The following KMT2B variants were observed in gnomAD, a reference collection of about 807,000 sequenced individuals.
KMT2B encodes histone-lysine N-methyltransferase 2B.
Under a neutral mutation model 255.3 loss-of-function variants are expected in KMT2B, and 22 were observed. That is an observed-to-expected ratio of 0.09 (90% CI 0.06 to 0.12). The LOEUF is 0.12. KMT2B is among the 10% of genes least tolerant of loss of function. The pLI is 1.00. For missense variants in KMT2B, 3,149 were observed against 3,737.0 expected (o/e 0.84, Z 4.10); for synonymous variants, 1,730 against 1,498.1 (o/e 1.15, Z -3.57).
At position 35,721,210 on chromosome 19, in the gene KMT2B, TC is replaced by T; in HGVS notation, c.1868del (p.Pro623GlnfsTer37). On this transcript the variant is annotated frameshift_variant, in exon 3 of 37. Coordinates refer to ENST00000420124, the MANE Select transcript of KMT2B (RefSeq NM_014727.3). LOFTEE classifies it high-confidence loss of function. ...CACTGACCCGGGAGCTGCCCCCTCC[TC>T]CCCCAGCCCCTCCACCTCCCCCGGC... Reference protein sequence around the residue: ...TSLTRELPPPPPAPPPPPAPS... With the variant: ...TSLTRELPPPXPAPPPPPAPS... The T allele has an allele frequency of 1.2e-6, 1 of 810,688 alleles. No individual in the cohort carries two copies. The allele number at this position is 810,688 out of a possible 1,614,324, so 50.2% of individuals were successfully genotyped here.
rs148973105 is a variant in KMT2B, at chr19:35,727,065, G to A, written c.4004-91G>A. On this transcript the variant is annotated intron_variant, in intron 14 of 36. Coordinates refer to ENST00000420124, the MANE Select transcript of KMT2B (RefSeq NM_014727.3). This position sits in a 1 kb window ranked among gnomAD's most constrained non-coding sequence, Gnocchi z 4.2. ...GGCCCAAAACAGGGGCATAGTGGAG[G>A]CAGCTAAGGTACTGCTAATCCTTGA... is the stretch of plus-strand genomic sequence containing the variant. The A allele has an allele frequency of 3.7e-6, 3 of 812,468 alleles. No homozygotes were observed. The highest frequency in any genetic ancestry group is 3.4e-5 in the African/African-American group (2 of 58,146). 50.3% of individuals were successfully genotyped at this position (812,468 alleles called of 1,614,324 possible).
rs373463200 is a variant in KMT2B at position 35,725,360 on chromosome 19, C to T, written c.3642+27C>T. 142 of 1,557,142 alleles carry T rather than the reference C, an allele frequency of 9.1e-5. No individual in the cohort carries two copies. The highest frequency in any genetic ancestry group is 3.4e-4 in the Middle Eastern group (2 of 5,818). On this transcript the variant is annotated intron_variant, in intron 11 of 36. Transcript: ENST00000420124. This position sits in a 1 kb window ranked among gnomAD's most constrained non-coding sequence, Gnocchi z 4.1. ...TTAGATCTCTGCCTTTCTTCACAGA[C>T]CCCCAGCTCTCTGTCGGTCCTCACG...
At chr19:35,728,676 G>A in intron 19 of KMT2B, 98 bp from the exon 20 acceptor site, 3 of 814,814 alleles carry the variant, frequency 3.7e-6, no homozygotes, top group South Asian at 3.0e-5. Flanking sequence ...TAGAGAGGGA[G>A]TAGCGGGTGT....
intron 30 of KMT2B, among the ~76,000 whole-genome samples, chr19:35,735,024 C>G (rs1224351955): frequency 1.3e-5 from 2 of 152,140 alleles, no homozygotes; most frequent in Non-Finnish European, 2.9e-5. Context: ...TTAGCAAGGG[C>G]AGGTTAGAGT....
Position 35,720,247 on chromosome 19 carries a change from G to T in KMT2B, c.900G>T (p.Gly300=). ...GCAGGGGCCGCGGCCGAGGTGGTGG[G>T]CTCCCCTTTGTGATCAAGTTTGTTT... ...RGGRGRGRGG[G]LPFVIKFVSR... The change falls in exon 3 of 37, where the codon GGG becomes GGT. Residue 300 remains glycine, a synonymous_variant. Coordinates refer to ENST00000420124, the MANE Select transcript of KMT2B (RefSeq NM_014727.3). 1.9e-6 allele frequency: 3 copies of T among 1,612,578 alleles called. No individual in the cohort carries two copies. The highest frequency in any genetic ancestry group is 2.7e-5 in the African/African-American group (2 of 75,032).
chr19:35,730,204 C>A, intron 23 of KMT2B, 79 bp downstream of exon 23: 1 of 1,601,814 alleles, frequency 6.2e-7, no homozygotes, highest in Non-Finnish European at 8.5e-7. Flanking sequence ...GGCCCCCAGG[C>A]CTGGCCCTAC....
chr19:35,732,841 G>A lies in KMT2B; in HGVS notation c.6292G>A (p.Ala2098Thr), dbSNP rs751646243. ...PGVVRAGVLG[A>T]AGDRARPPED... The stretch of plus-strand genomic sequence containing the variant: ...AGTAGTCCGGGCAGGGGTCCTTGGG[G>A]CTGCAGGGGACAGGGCCCGGCCTCC... Residue 2098 changes from alanine (A) to threonine (T), a missense_variant, in exon 28 of 37, where the codon GCT becomes ACT. Transcript: ENST00000420124. 3.3e-5 allele frequency: 53 copies of A among 1,608,518 alleles called. No individual in the cohort carries two copies. In the Admixed American group the frequency reaches 8.9e-4, roughly 27 times the overall value.
At position 35,722,545 on chromosome 19, in the gene KMT2B, A is replaced by G. The variant is rs776423759; in HGVS notation, c.2572-23A>G. 7 of 1,596,416 alleles carry G rather than the reference A, an allele frequency of 4.4e-6. No individual in the cohort carries two copies. In the African/African-American group the frequency reaches 8.0e-5, roughly 18 times the overall value. On this transcript the variant is annotated intron_variant, in intron 4 of 36. Transcript: ENST00000420124. ...GGCTGCGGGAGCGCAAGCTGCCCAC[A>G]CACACTCCGATTTCTCCCCCAGGGT...
In KMT2B at chr19:35,725,128, G is replaced by A. The variant is rs368445998; in HGVS notation, c.3528+41G>A. 2 of 1,584,924 alleles carry A rather than the reference G, an allele frequency of 1.3e-6. No homozygotes were observed. The highest frequency in any genetic ancestry group is 1.7e-6 in the Non-Finnish European group (2 of 1,153,628). ...GGGCGAGTCACAGAGCCTCTGGTTG[G>A]AAGAACCTCGATGACTGTGTCATCG... On this transcript the variant is annotated intron_variant, in intron 10 of 36. Transcript: ENST00000420124. The surrounding 1 kb of genome is among the most constrained non-coding windows in gnomAD (Gnocchi z 4.1).
chr19:35,726,175 C>T lies in KMT2B; in HGVS notation c.3886-61C>T, dbSNP rs898581218. 1.0e-5 allele frequency: 13 copies of T among 1,290,804 alleles called. No individual in the cohort carries two copies. The Admixed American group carries it at 2.2e-4, about 22-fold the overall frequency. The allele number at this position is 1,290,804 out of a possible 1,614,324, so 80.0% of individuals were successfully genotyped here. ...ATCCCCAATTCCTCCTCGCCCGTCT[C>T]CCGCTCATGTTGCTCCAGTCCAGTG... On this transcript the variant is annotated intron_variant, in intron 13 of 36. Transcript: ENST00000420124.
chr19:35,731,927 C>T lies in KMT2B; in HGVS notation c.5457C>T (p.Asp1819=). Reference sequence around the variant, plus strand: ...CTTCAGAGCCCCCAGGTGGTGAGGACCCCCCACTGGACACAGATGTTCTTG... The same window carrying T: ...CTTCAGAGCCCCCAGGTGGTGAGGATCCCCCACTGGACACAGATGTTCTTG... ...APSSEPPGGE[D]PPLDTDVLVP... Residue 1819 remains aspartate (D), a synonymous_variant, in exon 27 of 37, where the codon GAC becomes GAT. Transcript: ENST00000420124. The T allele has an allele frequency of 1.2e-6, 2 of 1,613,148 alleles. No homozygotes were observed. Among genetic ancestry groups the T allele is most frequent in the East Asian group, 2.2e-5 (1 of 44,880 alleles).
Position 35,733,302 on chromosome 19 carries a change from T to TCCCCCC in KMT2B, c.6753_6754insCCCCCC (p.Pro2251_Ala2252insProPro). On this transcript the variant is annotated inframe_insertion, in exon 28 of 37. Transcript: ENST00000420124. The surrounding 1 kb of genome is among the most constrained non-coding windows in gnomAD (Gnocchi z 4.3). ...TGCCCGTGGTCGGAGTGGTCCGCCC[T>TCCCCCC]GCCCCGCCCCCGCCACCCCCTCCCC... The TCCCCCC allele has an allele frequency of 1.1e-6, 1 of 907,964 alleles. No individual in the cohort carries two copies. Among genetic ancestry groups the TCCCCCC allele is most frequent in the Non-Finnish European group, 1.6e-6 (1 of 613,630 alleles). The allele number at this position is 907,964 out of a possible 1,614,324, so 56.2% of individuals were successfully genotyped here. A position where few individuals can be genotyped will look rare whatever the true frequency, so the allele number is the denominator to read the frequency against.
Position 35,736,781 on chromosome 19 carries a change from G to A in KMT2B, c.7251G>A (p.Glu2417=). The A allele has an allele frequency of 6.2e-7, 1 of 1,614,034 alleles. No homozygotes were observed. Among genetic ancestry groups the A allele is most frequent in the East Asian group, 2.2e-5 (1 of 44,888 alleles). ...PKRTGPHLRF[E]ISSEDGFSVE... is the part of the protein sequence containing the mutation. ...GGACTGGCCCACATCTGCGCTTCGAGATCAGCAGTGAGGATGGGTTCAGCG... is the reference window on the plus strand; with the variant it reads ...GGACTGGCCCACATCTGCGCTTCGAAATCAGCAGTGAGGATGGGTTCAGCG... Residue 2417 remains glutamate (E), a synonymous_variant, in exon 31 of 37, where the codon GAG becomes GAA. Coordinates refer to ENST00000420124, the MANE Select transcript of KMT2B (RefSeq NM_014727.3).
rs924767263 is a variant in KMT2B, at chr19:35,738,614, G to T, written c.*57G>T. ...CTCCTGCTGCCGTCGCTGCCATCTT[G>T]CCCCTAGCCTGGGGGCTCCCTAGCC... On this transcript the variant is annotated 3_prime_UTR_variant, in exon 37 of 37. Coordinates refer to ENST00000420124, the MANE Select transcript of KMT2B (RefSeq NM_014727.3). The surrounding 1 kb of genome is among the most constrained non-coding windows in gnomAD (Gnocchi z 8.7). The T allele has an allele frequency of 1.4e-5, 22 of 1,562,530 alleles. No homozygotes were observed. The highest frequency in any genetic ancestry group is 1.9e-5 in the Non-Finnish European group (22 of 1,152,196).
chr19:35,721,038 G>A lies in KMT2B; in HGVS notation c.1691G>A (p.Arg564Gln), dbSNP rs374728315. The change falls in exon 3 of 37, where the codon CGA becomes CAA. Residue 564 changes from arginine to glutamine, a missense_variant. By Grantham distance (43) the Arg-to-Gln change is conservative. Coordinates refer to ENST00000420124, the MANE Select transcript of KMT2B (RefSeq NM_014727.3). ...AAGGTGGAGGTCTCACCTGTCCTGCGACCTCCCATTACCACCTCCCCACCT... is the reference window on the plus strand; with the variant it reads ...AAGGTGGAGGTCTCACCTGTCCTGCAACCTCCCATTACCACCTCCCCACCT... ...PPKVEVSPVL[R>Q]PPITTSPPVP... The A allele has an allele frequency of 1.1e-5, 18 of 1,604,548 alleles. No homozygotes were observed. The highest frequency in any genetic ancestry group is 1.7e-5 in the Admixed American group (1 of 58,990).
At position 35,721,168 on chromosome 19, in the gene KMT2B, C is replaced by T. The variant is rs773186530; in HGVS notation, c.1821C>T (p.Pro607=). The T allele has an allele frequency of 2.4e-5, 37 of 1,571,910 alleles. No individual in the cohort carries two copies. In the Admixed American group the frequency reaches 6.6e-4, roughly 28 times the overall value. The part of the protein sequence containing the change: ...PEKRRSILRE[P]TFRWTSLTRE... ...AGAGACGGTCCATCCTAAGGGAACC[C>T]ACATTTCGCTGGACCTCACTGACCC... Residue 607 remains proline, a synonymous_variant, in exon 3 of 37, where the codon CCC becomes CCT. Coordinates refer to ENST00000420124, the MANE Select transcript of KMT2B (RefSeq NM_014727.3).
In KMT2B at chr19:35,721,545, C is replaced by T. The variant is rs1196079877; in HGVS notation, c.2198C>T (p.Thr733Ile). The change falls in exon 3 of 37, where the codon ACA becomes ATA. Residue 733 changes from threonine (T) to isoleucine (I), a missense_variant. By Grantham distance (89) the Thr-to-Ile change is moderately conservative. Around this residue, in one of 18 missense-constraint regions of KMT2B, gnomAD observed 1,188 missense variants for 1,106.4 expected, o/e 1.07. Transcript: ENST00000420124. The stretch of plus-strand genomic sequence containing the variant: ...CCAGCTCTGAGCAACGGGCCACAGA[C>T]ACAGGCTCAGCTACTGCAGCCCCTG... ...GAPALSNGPQ[T>I]QAQLLQPLQA... 1.2e-6 allele frequency: 2 copies of T among 1,611,618 alleles called. No individual in the cohort carries two copies. The highest frequency in any genetic ancestry group is 2.7e-5 in the African/African-American group (2 of 74,914).
In KMT2B at chr19:35,732,459, T is replaced by A. The variant is rs916989837; in HGVS notation, c.5910T>A (p.Pro1970=). ...PPGPAPSPPP[P]EDLGPDFEDM... ...GCCCGGCCCCATCTCCACCACCCCC[T>A]GAAGACCTGGGCCCAGACTTCGAGG... is the stretch of plus-strand genomic sequence containing the variant. Residue 1970 remains proline (P), a synonymous_variant, in exon 28 of 37, where the codon CCT becomes CCA. Coordinates refer to ENST00000420124, the MANE Select transcript of KMT2B (RefSeq NM_014727.3). 8 of 1,613,708 alleles carry A rather than the reference T, an allele frequency of 5.0e-6. No individual in the cohort carries two copies. Among genetic ancestry groups the A allele is most frequent in the South Asian group, 1.1e-5 (1 of 91,068 alleles).
rs1302990205 is a variant in KMT2B, at chr19:35,725,307, C to T, written c.3616C>T (p.Leu1206=). 1 of 1,570,884 alleles carries T rather than the reference C, an allele frequency of 6.4e-7. No homozygotes were observed. Among genetic ancestry groups the T allele is most frequent in the Non-Finnish European group, 8.6e-7 (1 of 1,158,560 alleles). ...AGGGGGCCCCCCGATGGTGTGCTTG[C>T]TGTGTGCCAGCAAAGGACTCCACGA... is the stretch of plus-strand genomic sequence containing the variant. The part of the protein sequence containing the change: ...VPGGPPMVCL[L]CASKGLHELV... Residue 1206 remains leucine, a synonymous_variant, in exon 11 of 37, where the codon CTG becomes TTG. Transcript: ENST00000420124. The surrounding 1 kb of genome is among the most constrained non-coding windows in gnomAD (Gnocchi z 4.1).
Sources: allele counts gnomAD v4.1 joint callset (sites outside exome capture counted in the v4.1 genomes callset), GRCh38; gene constraint gnomAD v4.1.1; regional missense constraint gnomAD v4.1.1; non-coding constraint Gnocchi (gnomAD v3.1); transcripts MANE v1.5; gene names NCBI Gene and HGNC (gene_info 2026-07-23, HGNC 2026-07-21).